DOCK1: variants seen among roughly 807,000 people sequenced by gnomAD.
The protein encoded by DOCK1 is dedicator of cytokinesis 1.
A neutral mutation model predicts 262.7 loss-of-function variants in DOCK1; 138 were observed. The observed-to-expected ratio is 0.53, with a 90% CI of 0.46 to 0.61. The LOEUF (loss-of-function observed/expected upper bound fraction) is 0.61, where lower values mean the gene tolerates loss of function less well. Among genes scored for constraint, DOCK1 ranks in the 20% least tolerant of loss-of-function variants. The pLI is 0.00. For missense variants in DOCK1, 1,908 were observed against 2,370.7 expected (o/e 0.80, Z 4.05); for synonymous variants, 866 against 867.4 (o/e 1.00, Z 0.03).
chr10:127,129,432 T>G (rs2050170728), intron 27 of DOCK1, among the ~76,000 whole-genome samples: 1 of 152,262 alleles, frequency 6.6e-6, no homozygotes, highest in African/African-American at 2.4e-5. Flanking sequence ...TTTCCATTAT[T>G]ACATAAACAT....
intron 1 of DOCK1, among the ~76,000 whole-genome samples, chr10:126,937,791 G>T (rs972598934): frequency 0.015 from 2,216 of 152,010 alleles, 27 homozygotes; most frequent in Non-Finnish European, 0.021. Context: ...CCCATTCTGT[G>T]GTGTTGCCTT....
At chr10:127,234,412 A>G (rs1047871800) in intron 27 of DOCK1, among the ~76,000 whole-genome samples, 6 of 152,162 alleles carry the variant, frequency 3.9e-5, no homozygotes, top group Non-Finnish European at 8.8e-5. Context: ...TCAAAGGGTT[A>G]TTTAAAAAAG....
intron 43 of DOCK1, among the ~76,000 whole-genome samples, chr10:127,414,131 C>T (rs984673068): frequency 2.0e-5 from 3 of 152,134 alleles, no homozygotes; most frequent in Non-Finnish European, 4.4e-5. Context: ...GGCCTGGTCT[C>T]GAAGTCCTGA....
intron 18 of DOCK1, among the ~76,000 whole-genome samples, chr10:127,036,028 A>AAATAAATT (rs1291182851): frequency 3.3e-5 from 5 of 150,626 alleles, no homozygotes; most frequent in African/African-American, 1.2e-4. Context: ...ATAAATAAAT[A>AAATAAATT]AATAAATAAA....
At chr10:127,313,898 C>G (rs922023944) in intron 29 of DOCK1, among the ~76,000 whole-genome samples, 1 of 151,944 alleles carries the variant, frequency 6.6e-6, no homozygotes. Context: ...TTGTTTGATC[C>G]GGGCCTGTGT....
At chr10:127,375,278 A>C (rs1301354276) in intron 35 of DOCK1, among the ~76,000 whole-genome samples, 2 of 152,212 alleles carry the variant, frequency 1.3e-5, no homozygotes, top group African/African-American at 4.8e-5. Flanking sequence ...TTCTCTTATA[A>C]AGAAACACAA....
At chr10:126,922,172 T>C (rs1228215245) in intron 1 of DOCK1, among the ~76,000 whole-genome samples, 1 of 136,644 alleles carries the variant, frequency 7.3e-6, no homozygotes, top group Non-Finnish European at 1.5e-5. Context: ...ATTGCATCAC[T>C]GCATTTCAGC....
intron 19 of DOCK1, among the ~76,000 whole-genome samples, chr10:127,040,270 A>G (rs1049773959): frequency 2.0e-5 from 3 of 152,238 alleles, no homozygotes; most frequent in Admixed American, 1.3e-4. Flanking sequence ...CCACATAGTT[A>G]GGAGTTGATT....
At chr10:127,108,204 A>G (rs1275073978) in intron 24 of DOCK1, among the ~76,000 whole-genome samples, 1 of 152,230 alleles carries the variant, frequency 6.6e-6, no homozygotes, top group Admixed American at 6.5e-5. Flanking sequence ...AGATGACAGA[A>G]GAGGGTAACT....
intron 29 of DOCK1, among the ~76,000 whole-genome samples, chr10:127,261,888 ATC>A (rs201756922): frequency 1.3e-5 from 1 of 75,810 alleles, no homozygotes; most frequent in Non-Finnish European, 2.5e-5. Context: ...ACCCGTGCTC[ATC>A]TGTGTGTGTG....
chr10:126,947,195 A>C (rs1257362137), intron 1 of DOCK1, among the ~76,000 whole-genome samples: 6 of 151,498 alleles, frequency 4.0e-5, no homozygotes, highest in Non-Finnish European at 8.8e-5. Flanking sequence ...CTCAGGGCAG[A>C]ATAAAGTTTA....
At position 127,023,255 on chromosome 10, in the gene DOCK1, A is replaced by G; in HGVS notation, c.1383A>G (p.Gly461=). ...TAGTTCAAGGAGATTTTGATAAAGGAAGCAAAACAACAGCGAAGAACGTGG... is the reference window on the plus strand; with the variant it reads ...TAGTTCAAGGAGATTTTGATAAAGGGAGCAAAACAACAGCGAAGAACGTGG... ...VTLVQGDFDK[G]SKTTAKNVEV... Residue 461 remains glycine, a synonymous_variant, in exon 14 of 52, where the codon GGA becomes GGG. Coordinates refer to ENST00000623213, the MANE Select transcript of DOCK1 (RefSeq NM_001290223.2). The G allele has an allele frequency of 6.2e-7, 1 of 1,614,010 alleles. No individual in the cohort carries two copies. Among genetic ancestry groups the G allele is most frequent in the Non-Finnish European group, 8.5e-7 (1 of 1,179,892 alleles).
chr10:127,445,284 G>C (rs2070461313), intron 50 of DOCK1, among the ~76,000 whole-genome samples: 1 of 152,154 alleles, frequency 6.6e-6, no homozygotes, highest in Non-Finnish European at 1.5e-5. Context: ...GTCCCAGGCA[G>C]GAGAGCTCTG....
chr10:127,125,572 A>G lies in DOCK1; in HGVS notation c.2722A>G (p.Ile908Val). Residue 908 changes from isoleucine (I) to valine (V), a missense_variant, in exon 26 of 52, where the codon ATC (isoleucine) becomes GTC (valine). By Grantham distance (29) the Ile-to-Val change is conservative. Transcript: ENST00000623213. ...GGCCTGCTGTCAGCTGCTCAGCCAC[A>G]TCCTGGAGGTGCTGTACAGGAAGGA... is the stretch of plus-strand genomic sequence containing the variant. The part of the protein sequence containing the change: ...LEACCQLLSH[I>V]LEVLYRKDVG... The G allele has an allele frequency of 6.2e-7, 1 of 1,613,840 alleles. No homozygotes were observed. The highest frequency in any genetic ancestry group is 8.5e-7 in the Non-Finnish European group (1 of 1,179,842).
intron 30 of DOCK1, among the ~76,000 whole-genome samples, chr10:127,339,672 GGATT>G (rs1301818910): frequency 2.8e-5 from 4 of 142,346 alleles, no homozygotes; most frequent in African/African-American, 1.0e-4. Context: ...CATGCTGTAA[GGATT>G]GATTTTGCCT....
At chr10:127,330,472 G>A (rs1217152490) in intron 29 of DOCK1, among the ~76,000 whole-genome samples, 4 of 152,008 alleles carry the variant, frequency 2.6e-5, no homozygotes, top group Non-Finnish European at 4.4e-5. Flanking sequence ...GAACCCTTGT[G>A]TACTGTTGCT....
At chr10:127,082,056 C>T (rs1205938645) in intron 23 of DOCK1, among the ~76,000 whole-genome samples, 1 of 152,146 alleles carries the variant, frequency 6.6e-6, no homozygotes, top group Non-Finnish European at 1.5e-5. Flanking sequence ...CATCCCTAAA[C>T]TACAGGATTT....
chr10:127,080,123 G>T (rs2046816747), intron 23 of DOCK1, among the ~76,000 whole-genome samples: 1 of 152,050 alleles, frequency 6.6e-6, no homozygotes, highest in Admixed American at 6.5e-5. Context: ...AATATAAACA[G>T]GATTAAGTCA....
chr10:126,998,063 GT>G (rs779925661), intron 7 of DOCK1, 28 bp from the exon 8 acceptor site: 1 of 1,612,754 alleles, frequency 6.2e-7, no homozygotes, highest in East Asian at 2.2e-5. Flanking sequence ...TGTTGCTGGG[GT>G]TGACTTTCTG....
Sources: allele counts gnomAD v4.1 joint callset (sites outside exome capture counted in the v4.1 genomes callset), GRCh38; gene constraint gnomAD v4.1.1; transcripts MANE v1.5; gene names NCBI Gene and HGNC (gene_info 2026-07-23, HGNC 2026-07-21).